DTNBP1: variants seen among roughly 807,000 people sequenced by gnomAD.
DTNBP1 encodes dysbindin.
A neutral mutation model predicts 42.8 loss-of-function variants in DTNBP1; 35 were observed. That is an observed-to-expected ratio of 0.82 (90% CI 0.63 to 1.09). DTNBP1 has a LOEUF of 1.09. Among genes scored for constraint, DTNBP1 ranks in the 50% least tolerant of loss-of-function variants. The pLI is 0.00. For missense variants in DTNBP1, 457 were observed against 424.2 expected (o/e 1.08, Z -0.68); for synonymous variants, 171 against 162.2 (o/e 1.05, Z -0.41).
intron 5 of DTNBP1, among the ~76,000 whole-genome samples, chr6:15,623,986 T>C (rs1051260941): frequency 1.3e-5 from 2 of 152,214 alleles, no homozygotes; most frequent in Non-Finnish European, 2.9e-5. Flanking sequence ...AATGGTTTTG[T>C]GAATTCGCAA....
chr6:15,551,321 G>C (rs1774198579), intron 7 of DTNBP1, among the ~76,000 whole-genome samples: 1 of 152,148 alleles, frequency 6.6e-6, no homozygotes, highest in African/African-American at 2.4e-5. Context: ...AGTGTTCAGA[G>C]ATTTTACCCC....
chr6:15,563,286 C>G (rs1774923390), intron 7 of DTNBP1, among the ~76,000 whole-genome samples: 1 of 152,168 alleles, frequency 6.6e-6, no homozygotes, highest in African/African-American at 2.4e-5. Flanking sequence ...AGGAGAAAAT[C>G]TTCATGGCCT....
intron 8 of DTNBP1, among the ~76,000 whole-genome samples, chr6:15,527,852 T>C (rs1772515712): frequency 6.6e-6 from 1 of 152,122 alleles, no homozygotes; most frequent in South Asian, 2.1e-4. Flanking sequence ...TGCTGACATA[T>C]CTGACAACTA....
chr6:15,628,393 A>AGG (rs1457773544), intron 4 of DTNBP1, among the ~76,000 whole-genome samples: 2 of 144,216 alleles, frequency 1.4e-5, no homozygotes, highest in African/African-American at 2.6e-5. Context: ...CTCAAGATTA[A>AGG]GGTTCTTTTT....
intron 7 of DTNBP1, among the ~76,000 whole-genome samples, chr6:15,549,981 C>G (rs1774119777): frequency 6.6e-6 from 1 of 152,192 alleles, no homozygotes; most frequent in Non-Finnish European, 1.5e-5. Context: ...CCTGACTACG[C>G]CAATCCCACC....
At chr6:15,617,168 G>A (rs1160662376) in intron 5 of DTNBP1, among the ~76,000 whole-genome samples, 1 of 152,038 alleles carries the variant, frequency 6.6e-6, no homozygotes, top group Non-Finnish European at 1.5e-5. Context: ...TTCAGATCAA[G>A]GGGATGAAAG....
chr6:15,662,870 TGCC>T lies in DTNBP1; in HGVS notation c.-4_-2del, dbSNP rs768740627. 3.1e-6 allele frequency: 5 copies of T among 1,604,488 alleles called. No individual in the cohort carries two copies. Reference sequence around the variant, plus strand: ...GCCGCTCGCGAAGGGTCTCCAGCATTGCCGCCGCCGCCGGTCTCCTCTCCTCAG... The same window carrying T: ...GCCGCTCGCGAAGGGTCTCCAGCATTGCCGCCGCCGGTCTCCTCTCCTCAG... On this transcript the variant is annotated 5_prime_UTR_variant, in exon 1 of 10. Transcript: ENST00000344537.
chr6:15,589,523 GC>G (rs1466365036), intron 7 of DTNBP1, among the ~76,000 whole-genome samples: 1 of 152,154 alleles, frequency 6.6e-6, no homozygotes, highest in Non-Finnish European at 1.5e-5. Flanking sequence ...ATGCCTGCTG[GC>G]CCATCTTACA....
chr6:15,523,032 G>A lies in DTNBP1; in HGVS notation c.999C>T (p.Ala333=). ...EEEVQVDTAL[A]TSHTDREATP... is the part of the protein sequence containing the mutation. ...TGGCCTCTCTGTCAGTGTGTGATGT[G>A]GCCAGGGCAGTGTCCACCTGAACTT... is the stretch of plus-strand genomic sequence containing the variant. Residue 333 remains alanine (A), a synonymous_variant, in exon 10 of 10, where the codon GCC becomes GCT. Transcript: ENST00000344537. 6.2e-7 allele frequency: 1 copy of A among 1,614,208 alleles called. No homozygotes were observed. Among genetic ancestry groups the A allele is most frequent in the Non-Finnish European group, 8.5e-7 (1 of 1,180,046 alleles).
rs73724446 is a variant in DTNBP1, at chr6:15,613,801, G to A, written c.488+1466C>T. 1.6e-3 allele frequency among the ~76,000 whole-genome samples: 239 copies of A among 151,998 alleles called. 3 individuals carry two copies. Among genetic ancestry groups the A allele is most frequent in the African/African-American group, 5.7e-3 (234 of 41,352 alleles). ...CAATTTGATCCATGGCCTCCCTGGAGCTCTTCTGAAGCTCTTCCATTTACA... is the reference window on the plus strand; with the variant it reads ...CAATTTGATCCATGGCCTCCCTGGAACTCTTCTGAAGCTCTTCCATTTACA... On this transcript the variant is annotated intron_variant, in intron 6 of 9. Transcript: ENST00000344537.
chr6:15,608,453 T>C lies in DTNBP1; in HGVS notation c.488+6814A>G, dbSNP rs182514941. Among the ~76,000 whole-genome samples the C allele has an allele frequency of 5.8e-3, 887 of 152,332 alleles. 12 individuals are homozygous for C. Among genetic ancestry groups the C allele is most frequent in the African/African-American group, 0.02 (811 of 41,578 alleles). ...TCCCCCTTGGAAACACTACTTAGAATTCTCCAGAAGGCCTTCCTGTCCCAA... is the reference window on the plus strand; with the variant it reads ...TCCCCCTTGGAAACACTACTTAGAACTCTCCAGAAGGCCTTCCTGTCCCAA... On this transcript the variant is annotated intron_variant, in intron 6 of 9. Coordinates refer to ENST00000344537, the MANE Select transcript of DTNBP1 (RefSeq NM_032122.5).
At chr6:15,585,062 A>C (rs1426780562) in intron 7 of DTNBP1, among the ~76,000 whole-genome samples, 2 of 102,606 alleles carry the variant, frequency 1.9e-5, no homozygotes, top group African/African-American at 3.8e-5. Context: ...AATTATGAAA[A>C]GAATATATAT....
chr6:15,550,800 A>G (rs1774171557), intron 7 of DTNBP1, among the ~76,000 whole-genome samples: 3 of 152,172 alleles, frequency 2.0e-5, no homozygotes, highest in Non-Finnish European at 4.4e-5. Context: ...TGCCCCTCCC[A>G]GGCAGGCTGG....
At chr6:15,642,717 G>A in intron 3 of DTNBP1, among the ~76,000 whole-genome samples, 1 of 152,034 alleles carries the variant, frequency 6.6e-6, no homozygotes, top group Non-Finnish European at 1.5e-5. Flanking sequence ...CATAACCAAG[G>A]ACCCCATATA....
intron 1 of DTNBP1, among the ~76,000 whole-genome samples, chr6:15,661,937 A>C (rs1433833439): frequency 6.6e-6 from 1 of 152,216 alleles, no homozygotes; most frequent in Non-Finnish European, 1.5e-5. Context: ...GAGGCAAGGC[A>C]GCTGAGTAAC....
At chr6:15,540,732 C>A (rs1179601387) in intron 7 of DTNBP1, among the ~76,000 whole-genome samples, 1 of 152,062 alleles carries the variant, frequency 6.6e-6, no homozygotes, top group Non-Finnish European at 1.5e-5. Context: ...AGCTCTGCCT[C>A]CCAGGTTCAC....
At chr6:15,524,347 C>T (rs1048506167) in intron 9 of DTNBP1, 179 bp downstream of exon 9, 3 of 1,612,850 alleles carry the variant, frequency 1.9e-6, no homozygotes, top group African/African-American at 1.3e-5. Context: ...GACGGAACCA[C>T]ACCACTGTTG....
At chr6:15,600,455 C>A (rs1017122098) in intron 6 of DTNBP1, among the ~76,000 whole-genome samples, 3 of 151,790 alleles carry the variant, frequency 2.0e-5, no homozygotes, top group Admixed American at 2.0e-4. Context: ...TCAATAAAGG[C>A]TACTGCTATA....
intron 6 of DTNBP1, among the ~76,000 whole-genome samples, chr6:15,598,205 G>A (rs73724445): frequency 3.0e-4 from 46 of 152,204 alleles, no homozygotes; most frequent in African/African-American, 1.1e-3. Context: ...ATAAGCCTAT[G>A]GAATGTTACA....
Sources: allele counts gnomAD v4.1 joint callset (sites outside exome capture counted in the v4.1 genomes callset), GRCh38; gene constraint gnomAD v4.1.1; transcripts MANE v1.5; gene names NCBI Gene and HGNC (gene_info 2026-07-23, HGNC 2026-07-21).